The following FSIP2 variants were observed in gnomAD, a reference collection of about 807,000 sequenced individuals.
FSIP2 encodes fibrous sheath-interacting protein 2.
A neutral mutation model predicts 510.5 loss-of-function variants in FSIP2; 367 were observed. The observed-to-expected ratio is 0.72, with a 90% confidence interval of 0.66 to 0.78. FSIP2 has a LOEUF of 0.78. Ranked by LOEUF, FSIP2 falls within the 30% of genes least tolerant of loss-of-function variation. The pLI is 0.00. For missense variants in FSIP2, 7,594 were observed against 7,901.7 expected, an observed-to-expected ratio of 0.96 and a Z score of 1.48; for synonymous variants, 2,601 against 2,732.2, an observed-to-expected ratio of 0.95 and a Z score of 1.50.
intron 14 of FSIP2, 21 bp from the exon 15 acceptor site, chr2:185,786,231 A>G: frequency 6.7e-7 from 1 of 1,497,934 alleles, no homozygotes; most frequent in Non-Finnish European, 8.9e-7. Context: ...TAATAACTAA[A>G]TGATCAACCT....
At chr2:185,765,154 T>C (rs1299897037) in intron 13 of FSIP2, 1 of 152,008 alleles carries the variant, frequency 6.6e-6, no homozygotes, top group Non-Finnish European at 1.5e-5. Flanking sequence ...ATTAAATGCA[T>C]TCTCAGCTTA....
At chr2:185,831,938 T>G (rs1439931167) in intron 22 of FSIP2, 56 bp downstream of exon 22, 2 of 1,066,918 alleles carry the variant, frequency 1.9e-6, no homozygotes, top group Non-Finnish European at 2.9e-6. Context: ...TTGCATCATT[T>G]TGAATTTAGA....
At chr2:185,750,927 T>A (rs1692133491) in intron 7 of FSIP2, among the ~76,000 whole-genome samples, 1 of 151,632 alleles carries the variant, frequency 6.6e-6, no homozygotes, top group South Asian at 2.1e-4. Context: ...TCAAATTTGC[T>A]TTTATTGTAG....
intron 8 of FSIP2, 114 bp downstream of exon 8, chr2:185,753,956 A>G (rs1574156706): frequency 1.5e-6 from 1 of 673,026 alleles, no homozygotes. Context: ...TGTGCCAGAC[A>G]TTGTTCTAGG....
rs760561740 is a variant in FSIP2 at position 185,796,044 on chromosome 2, C to T, written c.8908C>T (p.Pro2970Ser). The change falls in exon 16 of 23, where the codon CCA becomes TCA. Residue 2970 changes from proline (P) to serine (S), a missense_variant. Transcript: ENST00000424728. ...AAACAAGCATAGCCTCAGCAGTTTA[C>T]CAATCTATAACACAAAGACAAAAGA... ...FPNKHSLSSL[P>S]IYNTKTKDQI... The T allele has an allele frequency of 3.3e-6, 5 of 1,532,606 alleles. No homozygotes were observed. In the African/African-American group the frequency reaches 5.5e-5, roughly 17 times the overall value. 94.9% of individuals were successfully genotyped at this position (1,532,606 alleles called of 1,614,324 possible).
At chr2:185,812,847 G>A (rs1693762804) in intron 17 of FSIP2, among the ~76,000 whole-genome samples, 1 of 152,058 alleles carries the variant, frequency 6.6e-6, no homozygotes, top group South Asian at 2.1e-4. Flanking sequence ...TACAAAGGGA[G>A]GCTGAGAGCT....
At chr2:185,743,885 A>T (rs932299438) in intron 3 of FSIP2, among the ~76,000 whole-genome samples, 1 of 152,196 alleles carries the variant, frequency 6.6e-6, no homozygotes, top group African/African-American at 2.4e-5. Flanking sequence ...CCTACACAGG[A>T]GTGCAATGGC....
chr2:185,831,822 A>G lies in FSIP2; in HGVS notation c.20527A>G (p.Ile6843Val). The change falls in exon 22 of 23, where the codon ATC (isoleucine) becomes GTC (valine). Residue 6843 changes from isoleucine (I) to valine (V), a missense_variant. By Grantham distance (29) the Ile-to-Val change is conservative. Coordinates refer to ENST00000424728, the MANE Select transcript of FSIP2 (RefSeq NM_173651.4). ...CAATTTACCTTGGCAGTTTATCACC[A>G]TCTTTGAAAGATCCAAGGATGTTCT... ...EHGNSVKFITIFERSKDVLGS... is the reference protein window; with the variant it reads ...EHGNSVKFITVFERSKDVLGS... 4 of 1,607,970 alleles carry G rather than the reference A, an allele frequency of 2.5e-6. No homozygotes were observed. The South Asian group carries it at 4.4e-5, about 18-fold the overall frequency.
At position 185,796,852 on chromosome 2, in the gene FSIP2, A is replaced by G; in HGVS notation, c.9716A>G (p.Asn3239Ser). The change falls in exon 16 of 23, where the codon AAC becomes AGC. Residue 3239 changes from asparagine (N) to serine (S), a missense_variant. By Grantham distance (46) the Asn-to-Ser change is conservative. Coordinates refer to ENST00000424728, the MANE Select transcript of FSIP2 (RefSeq NM_173651.4). ...SETMPSCSTR[N>S]KVQDHRPRES... is the part of the protein sequence containing the mutation. ...ACTATGCCATCGTGTTCTACTAGAA[A>G]CAAAGTACAAGACCACAGACCAAGG... 1 of 1,535,190 alleles carries G rather than the reference A, an allele frequency of 6.5e-7. No homozygotes were observed. Among genetic ancestry groups the G allele is most frequent in the East Asian group, 2.4e-5 (1 of 40,838 alleles).
At chr2:185,757,733 C>T (rs967451361) in intron 9 of FSIP2, among the ~76,000 whole-genome samples, 1 of 151,298 alleles carries the variant, frequency 6.6e-6, no homozygotes, top group Non-Finnish European at 1.5e-5. Context: ...ATTTCCTGCT[C>T]CAGCTTCTTA....
Position 185,807,873 on chromosome 2 carries a change from G to T in FSIP2, c.18567G>T (p.Lys6189Asn). The change falls in exon 17 of 23, where the codon AAG becomes AAT. Residue 6189 changes from lysine (K) to asparagine (N), a missense_variant. By Grantham distance (94) the Lys-to-Asn change is moderately conservative. Coordinates refer to ENST00000424728, the MANE Select transcript of FSIP2 (RefSeq NM_173651.4). The stretch of plus-strand genomic sequence containing the variant: ...AAATTGCTGTGAAATTTTTATCAAA[G>T]CTTTTATCTATATTTCCAAAAGTAC... ...IEEIAVKFLS[K>N]LLSIFPKVHK... 6.2e-7 allele frequency: 1 copy of T among 1,606,806 alleles called. No homozygotes were observed. The highest frequency in any genetic ancestry group is 1.1e-5 in the South Asian group (1 of 89,468).
chr2:185,766,645 A>G (rs1692489454), intron 13 of FSIP2: 1 of 151,216 alleles, frequency 6.6e-6, no homozygotes. Flanking sequence ...TTAGAATGGC[A>G]AGCATTAAAA....
intron 18 of FSIP2, among the ~76,000 whole-genome samples, chr2:185,815,044 T>C (rs975580720): frequency 1.3e-5 from 2 of 152,078 alleles, no homozygotes; most frequent in Non-Finnish European, 2.9e-5. Flanking sequence ...ATCTGTGTTC[T>C]TCCTCTTTTT....
intron 17 of FSIP2, among the ~76,000 whole-genome samples, 191 bp from the exon 18 acceptor site, chr2:185,813,354 A>G (rs1693772500): frequency 6.6e-6 from 1 of 152,030 alleles, no homozygotes; most frequent in Admixed American, 6.6e-5. Flanking sequence ...AAAAAAATGC[A>G]TGCCAACAAA....
Position 185,795,343 on chromosome 2 carries a change from A to G in FSIP2, c.8207A>G (p.Lys2736Arg), listed in dbSNP as rs2105624511. The change falls in exon 16 of 23, where the codon AAA becomes AGA. Residue 2736 changes from lysine (K) to arginine (R), a missense_variant. Physicochemically the swap from Lys to Arg is conservative, Grantham distance 26 (BLOSUM62 2). Transcript: ENST00000424728. Reference protein sequence around the residue: ...LDTKLPTSELKIYAKDIIINI... With the variant: ...LDTKLPTSELRIYAKDIIINI... ...ACAAAATTGCCCACTTCAGAACTAA[A>G]AATATATGCCAAGGATATAATAATT... 6.5e-7 allele frequency: 1 copy of G among 1,534,708 alleles called. No homozygotes were observed. Among genetic ancestry groups the G allele is most frequent in the East Asian group, 2.4e-5 (1 of 40,848 alleles).
At position 185,789,949 on chromosome 2, in the gene FSIP2, T is replaced by G; in HGVS notation, c.2813T>G (p.Leu938Arg). The G allele has an allele frequency of 5.9e-6, 9 of 1,534,390 alleles. No homozygotes were observed. Among genetic ancestry groups the G allele is most frequent in the Non-Finnish European group, 7.9e-6 (9 of 1,145,736 alleles). Residue 938 changes from leucine (L) to arginine (R), a missense_variant, in exon 16 of 23, where the codon CTT becomes CGT. Physicochemically the swap from Leu to Arg is moderately radical, Grantham distance 102. Transcript: ENST00000424728. ...GAAACCGTAGTACTCCTTCAGCTAC[T>G]TGAGGACATCCTTTTTCAGCTCCAT... ...SEETVVLLQL[L>R]EDILFQLHQE...
Position 185,803,166 on chromosome 2 carries a change from A to G in FSIP2, c.13860A>G (p.Ser4620=), listed in dbSNP as rs1228911238. The G allele has an allele frequency of 3.9e-6, 6 of 1,532,396 alleles. No individual in the cohort carries two copies. The highest frequency in any genetic ancestry group is 1.7e-6 in the Non-Finnish European group (2 of 1,144,708). 94.9% of individuals were successfully genotyped at this position (1,532,396 alleles called of 1,614,324 possible). A position where few individuals can be genotyped will look rare whatever the true frequency, so the allele number is the denominator to read the frequency against. Residue 4620 remains serine (S), a synonymous_variant, in exon 17 of 23, where the codon TCA becomes TCG. Transcript: ENST00000424728. ...TATTTTATACCAGTGTTTACTCTTC[A>G]ACATTCTTGGAAGATGTAATCTCTG... ...RQLFYTSVYS[S]TFLEDVISGV...
At chr2:185,764,679 G>A in intron 13 of FSIP2, 114 bp downstream of exon 13, 3 of 733,578 alleles carry the variant, frequency 4.1e-6, no homozygotes, top group South Asian at 1.8e-5. Context: ...AATCATTCAA[G>A]GAAAAATGGC....
intron 13 of FSIP2, among the ~76,000 whole-genome samples, chr2:185,771,194 C>A: frequency 6.6e-6 from 1 of 152,146 alleles, no homozygotes; most frequent in Admixed American, 6.5e-5. Flanking sequence ...GGTGGCTGTA[C>A]CATGCTGGGA....
Sources: gnomAD v4.1 joint callset for allele counts (sites outside exome capture counted in the v4.1 genomes callset) on GRCh38, gnomAD v4.1.1 for gene constraint, MANE v1.5 for transcripts, NCBI Gene and HGNC (gene_info 2026-07-23, HGNC 2026-07-21) for gene names.